CNKSR1: variants seen among roughly 807,000 people sequenced by gnomAD.
CNKSR1 encodes the protein CNK homolog protein 1.
A neutral mutation model predicts 95.6 loss-of-function variants in CNKSR1; 88 were observed. The observed-to-expected ratio is 0.92, with a 90% confidence interval of 0.78 to 1.10. The LOEUF (loss-of-function observed/expected upper bound fraction) is 1.10. Among genes scored for constraint, CNKSR1 ranks in the 50% least tolerant of loss-of-function variants. CNKSR1 has a pLI of 0.00. For missense variants in CNKSR1, 836 were observed against 912.0 expected, an observed-to-expected ratio of 0.92 and a Z score of 1.07; for synonymous variants, 355 against 369.7, an observed-to-expected ratio of 0.96 and a Z score of 0.46.
Position 26,188,524 on chromosome 1 carries a change from G to A in CNKSR1, c.1590+21G>A, listed in dbSNP as rs77653799. On this transcript the variant is annotated intron_variant, in intron 18 of 20. Transcript: ENST00000361530. Reference sequence around the variant, plus strand: ...CCTCGGTGAGTGGGGGGCTGCCGGGGGTAGGAGGTGGGGATAAACAACAGG... The same window carrying A: ...CCTCGGTGAGTGGGGGGCTGCCGGGAGTAGGAGGTGGGGATAAACAACAGG... 3.2e-3 allele frequency: 5,099 copies of A among 1,603,776 alleles called. 112 individuals are homozygous for A. In the African/African-American group the frequency reaches 0.054, roughly 17 times the overall value.
chr1:26,179,979 T>TA (rs2088618359), intron 1 of CNKSR1, among the ~76,000 whole-genome samples: 1 of 151,872 alleles, frequency 6.6e-6, no homozygotes. Context: ...CTGCAAAAAA[T>TA]ACAAAAATTA....
rs909130696 is a variant in CNKSR1, at chr1:26,178,974, A to C, written c.52+1375A>C. Among the ~76,000 whole-genome samples the C allele has an allele frequency of 1.7e-4, 26 of 152,198 alleles. 1 individual carries two copies. Among genetic ancestry groups the C allele is most frequent in the Non-Finnish European group, 1.5e-5 (1 of 68,030 alleles). ...AGGAGCCTGGCTTAGAAGGGGAAGA[A>C]TTCCTTCGAAGAGTGAGCAAGCTAC... On this transcript the variant is annotated intron_variant, in intron 1 of 20. Transcript: ENST00000361530.
rs1021826668 is a variant in CNKSR1, at chr1:26,189,468, T to C, written c.2062T>C (p.Ser688Pro). The C allele has an allele frequency of 4.3e-6, 7 of 1,613,764 alleles. No homozygotes were observed. The highest frequency in any genetic ancestry group is 5.9e-6 in the Non-Finnish European group (7 of 1,179,866). The change falls in exon 21 of 21, where the codon TCC becomes CCC. Residue 688 changes from serine to proline, a missense_variant. Ser to Pro is a moderately conservative substitution (Grantham distance 74). Coordinates refer to ENST00000361530, the MANE Select transcript of CNKSR1 (RefSeq NM_006314.3). ...TSDSTEQSPHSLPSDPEEHSH... is the reference protein window; with the variant it reads ...TSDSTEQSPHPLPSDPEEHSH... ...TGACTCCACAGAACAGTCCCCCCAC[T>C]CCCTGCCCTCTGACCCTGAAGAGCA...
At position 26,181,859 on chromosome 1, in the gene CNKSR1, A is replaced by C. The variant is rs1399683853; in HGVS notation, c.395A>C (p.Tyr132Ser). The change falls in exon 4 of 21, where the codon TAC (tyrosine) becomes TCC (serine). Residue 132 changes from tyrosine to serine, a missense_variant and splice_region_variant. Tyr to Ser is a moderately radical substitution (Grantham distance 144, BLOSUM62 -2). Transcript: ENST00000361530. ...CTGTGCTATTCTTCCCCTGCCAGGTACCTCTTCTCCCACTTAAATGATTTC... is the reference window on the plus strand; with the variant it reads ...CTGTGCTATTCTTCCCCTGCCAGGTCCCTCTTCTCCCACTTAAATGATTTC... ...ADALLFWLSR[Y>S]LFSHLNDFSA... 1 of 1,613,744 alleles carries C rather than the reference A, an allele frequency of 6.2e-7. No homozygotes were observed. The highest frequency in any genetic ancestry group is 2.2e-5 in the East Asian group (1 of 44,870).
rs781781334 is a variant in CNKSR1 at position 26,180,776 on chromosome 1, A to G, written c.272A>G (p.His91Arg). 3.1e-6 allele frequency: 5 copies of G among 1,614,082 alleles called. No individual in the cohort carries two copies. The South Asian group carries it at 3.3e-5, about 11-fold the overall frequency. The stretch of plus-strand genomic sequence containing the variant: ...ACAGAGGGACTTCTGGGGGCAACCC[A>G]TGACTTCCAGAGCATAGTCCAAGGC... ...SLTEGLLGAT[H>R]DFQSIVQGCL... The change falls in exon 3 of 21, where the codon CAT (histidine) becomes CGT (arginine). Residue 91 changes from histidine to arginine, a missense_variant. By Grantham distance (29) the His-to-Arg change is conservative. Coordinates refer to ENST00000361530, the MANE Select transcript of CNKSR1 (RefSeq NM_006314.3).
At chr1:26,188,724 C>CTGGGGGCTGGGG (rs747516063) in intron 19 of CNKSR1, 27 bp downstream of exon 19, 57 of 1,611,810 alleles carry the variant, frequency 3.5e-5, no homozygotes, top group Middle Eastern at 1.6e-4. Flanking sequence ...GGGAGCTGGG[C>CTGGGGGCTGGGG]TGGGGGCTGG....
chr1:26,182,311 C>G lies in CNKSR1; in HGVS notation c.478-50C>G, dbSNP rs191664069. On this transcript the variant is annotated intron_variant, in intron 4 of 20. Coordinates refer to ENST00000361530, the MANE Select transcript of CNKSR1 (RefSeq NM_006314.3). ...CCTGCCCCCAGGAGAAGGCAGTCCC[C>G]TTATGGCCCTTGCTCAGGGGAGGCC... 2.7e-5 allele frequency: 43 copies of G among 1,601,900 alleles called. No individual in the cohort carries two copies. In the Admixed American group the frequency reaches 7.2e-4, roughly 27 times the overall value.
intron 16 of CNKSR1, 150 bp from the exon 17 acceptor site, chr1:26,188,084 G>A: frequency 1.3e-6 from 1 of 747,602 alleles, no homozygotes; most frequent in Non-Finnish European, 2.3e-6. Flanking sequence ...CTAAGCCTCA[G>A]TTTCATCATC....
Position 26,189,388 on chromosome 1 carries a change from G to A in CNKSR1, c.1982G>A (p.Gly661Asp). The change falls in exon 21 of 21, where the codon GGC (glycine) becomes GAC (aspartate). Residue 661 changes from glycine (G) to aspartate (D), a missense_variant. Physicochemically the swap from Gly to Asp is moderately conservative, Grantham distance 94. Coordinates refer to ENST00000361530, the MANE Select transcript of CNKSR1 (RefSeq NM_006314.3). Reference protein sequence around the residue: ...KEQNRELYSEGLGAWGVAQAE... With the variant: ...KEQNRELYSEDLGAWGVAQAE... ...CAGAACCGGGAGCTGTACTCAGAGG[G>A]CCTGGGGGCCTGGGGAGTGGCACAG... The A allele has an allele frequency of 1.2e-6, 2 of 1,613,968 alleles. No individual in the cohort carries two copies. The highest frequency in any genetic ancestry group is 1.7e-6 in the Non-Finnish European group (2 of 1,179,834).
chr1:26,181,466 A>T (rs2088646824), intron 3 of CNKSR1: 1 of 255,114 alleles, frequency 3.9e-6, no homozygotes, highest in Admixed American at 5.0e-5. Context: ...TGTCCTACAG[A>T]CCCCACCTCA....
At chr1:26,181,211 G>T (rs1156265382) in intron 3 of CNKSR1, 1 of 354,838 alleles carries the variant, frequency 2.8e-6, no homozygotes, top group African/African-American at 2.2e-5. Flanking sequence ...AACCTGGGAG[G>T]TGGAAGTTCC....
intron 4 of CNKSR1, 184 bp downstream of exon 4, chr1:26,182,125 A>G (rs1412341433): frequency 4.1e-6 from 3 of 733,950 alleles, no homozygotes; most frequent in Admixed American, 4.5e-5. Flanking sequence ...TGGCAGGGGA[A>G]TTTTGACACT....
chr1:26,189,004 G>A (rs1027329547), intron 20 of CNKSR1, 51 bp downstream of exon 20: 3 of 1,599,320 alleles, frequency 1.9e-6, no homozygotes, highest in Non-Finnish European at 2.6e-6. Context: ...TGGGCTTCAG[G>A]CTTTGGTTTG....
At position 26,180,750 on chromosome 1, in the gene CNKSR1, G is replaced by A. The variant is rs1186705524; in HGVS notation, c.246G>A (p.Leu82=). The A allele has an allele frequency of 6.2e-7, 1 of 1,614,242 alleles. No individual in the cohort carries two copies. Among genetic ancestry groups the A allele is most frequent in the South Asian group, 1.1e-5 (1 of 91,092 alleles). The change falls in exon 3 of 21, where the codon CTG becomes CTA. Residue 82 remains leucine, a synonymous_variant. Transcript: ENST00000361530. The part of the protein sequence containing the change: ...SRLQTENLQS[L]TEGLLGATHD... ...TACAGACAGAGAACCTGCAAAGCCT[G>A]ACAGAGGGACTTCTGGGGGCAACCC...
In CNKSR1 at chr1:26,189,409, C is replaced by T; in HGVS notation, c.2003C>T (p.Ala668Val). 6.2e-7 allele frequency: 1 copy of T among 1,614,156 alleles called. No homozygotes were observed. The highest frequency in any genetic ancestry group is 8.5e-7 in the Non-Finnish European group (1 of 1,180,014). ...YSEGLGAWGV[A>V]QAEGSSHILT... ...GAGGGCCTGGGGGCCTGGGGAGTGG[C>T]ACAGGCTGAAGGCAGCTCCCACATC... is the stretch of plus-strand genomic sequence containing the variant. Residue 668 changes from alanine to valine, a missense_variant, in exon 21 of 21, where the codon GCA (alanine) becomes GTA (valine). By Grantham distance (64) the Ala-to-Val change is moderately conservative. Coordinates refer to ENST00000361530, the MANE Select transcript of CNKSR1 (RefSeq NM_006314.3).
At chr1:26,178,390 G>T (rs1265804976) in intron 1 of CNKSR1, among the ~76,000 whole-genome samples, 1 of 152,236 alleles carries the variant, frequency 6.6e-6, no homozygotes, top group Non-Finnish European at 1.5e-5. Flanking sequence ...CCAGACTGAA[G>T]AGGTTGACAC....
chr1:26,183,845 C>A lies in CNKSR1; in HGVS notation c.855+15C>A. ...CCCCCCCACAGGTACCTTCCCCTGC[C>A]GCCCCCCGACCTGCCTTCAGACCCC... On this transcript the variant is annotated intron_variant, in intron 9 of 20. Coordinates refer to ENST00000361530, the MANE Select transcript of CNKSR1 (RefSeq NM_006314.3). The A allele has an allele frequency of 8.9e-7, 1 of 1,119,248 alleles. No individual in the cohort carries two copies. Among genetic ancestry groups the A allele is most frequent in the Non-Finnish European group, 1.2e-6 (1 of 813,956 alleles). The allele number at this position is 1,119,248 out of a possible 1,614,324, so 69.3% of individuals were successfully genotyped here. A position where few individuals can be genotyped will look rare whatever the true frequency, so the allele number is the denominator to read the frequency against.
rs1234762793 is a variant in CNKSR1, at chr1:26,187,183, G to A, written c.1324G>A (p.Gly442Ser). 1.2e-6 allele frequency: 2 copies of A among 1,613,776 alleles called. No individual in the cohort carries two copies. The highest frequency in any genetic ancestry group is 1.7e-6 in the Non-Finnish European group (2 of 1,179,872). The stretch of plus-strand genomic sequence containing the variant: ...ATCCCCCCAGGATGAGAAGGCTGAG[G>A]GCCTCATCAATGTCTCCAACTATAG... The part of the protein sequence containing the change: ...YRQPQDEKAE[G>S]LINVSNYSLE... The change falls in exon 15 of 21, where the codon GGC becomes AGC. Residue 442 changes from glycine (G) to serine (S), a missense_variant. By Grantham distance (56) the Gly-to-Ser change is moderately conservative (BLOSUM62 0). Transcript: ENST00000361530.
Position 26,189,566 on chromosome 1 carries a change from G to T in CNKSR1, c.*18G>T. 1 of 1,286,412 alleles carries T rather than the reference G, an allele frequency of 7.8e-7. No individual in the cohort carries two copies. Among genetic ancestry groups the T allele is most frequent in the Non-Finnish European group, 1.1e-6 (1 of 880,642 alleles). The allele number at this position is 1,286,412 out of a possible 1,614,324, so 79.7% of individuals were successfully genotyped here. ...ACCTCTGACCCTGGCCAGCACTCTA[G>T]CTCCTGACCTTTGACCCGAGGGCCA... On this transcript the variant is annotated 3_prime_UTR_variant, in exon 21 of 21. Coordinates refer to ENST00000361530, the MANE Select transcript of CNKSR1 (RefSeq NM_006314.3).
Sources: allele counts gnomAD v4.1 joint callset (sites outside exome capture counted in the v4.1 genomes callset), GRCh38; gene constraint gnomAD v4.1.1; transcripts MANE v1.5; gene names NCBI Gene and HGNC (gene_info 2026-07-23, HGNC 2026-07-21).